BTNL8: variants seen among roughly 807,000 people sequenced by gnomAD.
BTNL8 encodes the protein butyrophilin like 8.
In BTNL8, 22 loss-of-function variants were observed where a neutral mutation model predicts 36.1. The observed-to-expected ratio is 0.61, with a 90% CI of 0.44 to 0.87. The LOEUF (loss-of-function observed/expected upper bound fraction) is 0.87, where lower values mean the gene tolerates loss of function less well. Ranked by LOEUF, BTNL8 falls within the 40% of genes least tolerant of loss-of-function variation. The pLI is 0.00. For missense variants in BTNL8, 526 were observed against 616.9 expected (o/e 0.85, Z 1.56); for synonymous variants, 203 against 235.6 (o/e 0.86, Z 1.27).
At position 180,903,231 on chromosome 5, in the gene BTNL8, T is replaced by C. The variant is rs1323933241; in HGVS notation, c.49+3872T>C. 6.6e-5 allele frequency among the ~76,000 whole-genome samples: 8 copies of C among 120,614 alleles called. 2 individuals carry two copies. The highest frequency in any genetic ancestry group is 3.7e-3 in the Middle Eastern group (1 of 268). 79.1% of individuals were successfully genotyped at this position (120,614 alleles called of 152,430 possible). ...GATTGCCATTCTAACTGGTGTGAGA[T>C]GGTATCTCATTGTGGTTTTGATTTG... is the stretch of plus-strand genomic sequence containing the variant. On this transcript the variant is annotated intron_variant, in intron 1 of 7. Coordinates refer to ENST00000340184, the MANE Select transcript of BTNL8 (RefSeq NM_001040462.3).
intron 2 of BTNL8, 108 bp from the exon 3 acceptor site, chr5:180,911,231 G>T: frequency 6.6e-7 from 1 of 1,505,682 alleles, no homozygotes; most frequent in Non-Finnish European, 9.0e-7. Context: ...GTGTTTGTGT[G>T]TGTAAGAGAG....
intron 3 of BTNL8, among the ~76,000 whole-genome samples, chr5:180,941,032 A>C (rs1041869573): frequency 1.3e-5 from 2 of 150,510 alleles, no homozygotes; most frequent in Non-Finnish European, 3.0e-5. Flanking sequence ...CAGAGGCTGC[A>C]GTGAGCCGAG....
At chr5:180,919,004 C>T (rs536563188) in intron 3 of BTNL8, among the ~76,000 whole-genome samples, 98 of 152,274 alleles carry the variant, frequency 6.4e-4, no homozygotes, top group Non-Finnish European at 1.8e-4. Context: ...TCAGTCTCTT[C>T]GGGATCAGAC....
intron 3 of BTNL8, among the ~76,000 whole-genome samples, chr5:180,936,113 G>C (rs934950722): frequency 6.6e-6 from 1 of 151,976 alleles, no homozygotes; most frequent in Non-Finnish European, 1.5e-5. Context: ...TTTTCACCAT[G>C]TTGGCCAGGA....
chr5:180,936,498 AG>A (rs1245013529), intron 3 of BTNL8, among the ~76,000 whole-genome samples: 1 of 152,212 alleles, frequency 6.6e-6, no homozygotes, highest in Non-Finnish European at 1.5e-5. Context: ...GCAACAAAAA[AG>A]TACTTAGATA....
At chr5:180,948,458 C>A (rs1759383122) in intron 5 of BTNL8, 83 bp downstream of exon 5, 1 of 1,604,910 alleles carries the variant, frequency 6.2e-7, no homozygotes, top group Non-Finnish European at 8.5e-7. Flanking sequence ...CTCTGGACGA[C>A]CCTGGCTGCA....
rs778088974 is a variant in BTNL8 at position 180,950,232 on chromosome 5, C to T, written c.1191C>T (p.Ser397=). Residue 397 remains serine (S), a synonymous_variant, in exon 8 of 8, where the codon AGC becomes AGT. Transcript: ENST00000340184. ...LYFTLNPRFI[S]VFPRTPPTKI... ...TCACATTAAATCCCCGTTTTATCAG[C>T]GTCTTCCCCAGGACCCCACCTACAA... is the stretch of plus-strand genomic sequence containing the variant. The T allele has an allele frequency of 1.8e-5, 27 of 1,463,322 alleles. 4 individuals carry two copies. The highest frequency in any genetic ancestry group is 9.7e-5 in the African/African-American group (7 of 72,436). The allele number at this position is 1,463,322 out of a possible 1,614,324, so 90.6% of individuals were successfully genotyped here.
At chr5:180,932,496 GCCA>G (rs1284898524) in intron 3 of BTNL8, among the ~76,000 whole-genome samples, 2 of 152,064 alleles carry the variant, frequency 1.3e-5, no homozygotes, top group African/African-American at 2.4e-5. Flanking sequence ...ACAGGTGCCC[GCCA>G]CCATGCCTGG....
chr5:180,939,584 G>T (rs1013513973), intron 3 of BTNL8, among the ~76,000 whole-genome samples: 1 of 152,034 alleles, frequency 6.6e-6, no homozygotes, highest in African/African-American at 2.4e-5. Context: ...TAAAGGGAAA[G>T]GTAGATCCCA....
chr5:180,936,637 T>G (rs1582052761), intron 3 of BTNL8, among the ~76,000 whole-genome samples: 1 of 152,170 alleles, frequency 6.6e-6, no homozygotes, highest in African/African-American at 2.4e-5. Context: ...GAATTAATAT[T>G]GTTTTGATGT....
intron 3 of BTNL8, among the ~76,000 whole-genome samples, chr5:180,920,259 T>C (rs1226174271): frequency 1.3e-5 from 2 of 152,074 alleles, no homozygotes; most frequent in South Asian, 2.1e-4. Context: ...TATAGATTAA[T>C]GGAACAGAAT....
chr5:180,908,383 C>T (rs563881490), intron 1 of BTNL8, among the ~76,000 whole-genome samples: 26 of 152,194 alleles, frequency 1.7e-4, no homozygotes, highest in South Asian at 4.1e-4. Flanking sequence ...GCACGGTGCG[C>T]GCACCCACTG....
chr5:180,907,771 C>CCCGG (rs1757157560), intron 1 of BTNL8, among the ~76,000 whole-genome samples: 1 of 151,836 alleles, frequency 6.6e-6, no homozygotes, highest in Non-Finnish European at 1.5e-5. Context: ...TGTTGGAGTA[C>CCCGG]CCTGCCGTGT....
chr5:180,937,910 T>C lies in BTNL8; in HGVS notation c.674-9602T>C, dbSNP rs553060356. Among the ~76,000 whole-genome samples, 3 of 144,478 alleles carry C rather than the reference T, an allele frequency of 2.1e-5. No individual in the cohort carries two copies. In the Admixed American group the frequency reaches 2.1e-4, roughly 10 times the overall value. 94.8% of individuals were successfully genotyped at this position (144,478 alleles called of 152,430 possible). A position where few individuals can be genotyped will look rare whatever the true frequency, so the allele number is the denominator to read the frequency against. On this transcript the variant is annotated intron_variant, in intron 3 of 7. Coordinates refer to ENST00000340184, the MANE Select transcript of BTNL8 (RefSeq NM_001040462.3). ...TCAGGAAAACAATTTTTCATCTAAA[T>C]GAAATACTTTTTAAAAGCCCCTTTC...
At chr5:180,924,349 C>T (rs1758000813) in intron 3 of BTNL8, among the ~76,000 whole-genome samples, 1 of 152,218 alleles carries the variant, frequency 6.6e-6, no homozygotes, top group Non-Finnish European at 1.5e-5. Context: ...TGGCCCTGCC[C>T]ACCCTGAGTG....
chr5:180,943,156 G>T (rs956117667), intron 3 of BTNL8, among the ~76,000 whole-genome samples: 1 of 135,136 alleles, frequency 7.4e-6, no homozygotes, highest in African/African-American at 2.9e-5. Flanking sequence ...TTTTTTTGAG[G>T]CAGAGTCTCG....
chr5:180,899,563 G>A (rs137880782), intron 1 of BTNL8, among the ~76,000 whole-genome samples: 83 of 152,304 alleles, frequency 5.4e-4, no homozygotes, highest in African/African-American at 1.8e-3. Flanking sequence ...AAGACGCACC[G>A]TGATCGTTGA....
chr5:180,932,168 G>A (rs1758418098), intron 3 of BTNL8, among the ~76,000 whole-genome samples: 1 of 152,072 alleles, frequency 6.6e-6, no homozygotes, highest in Non-Finnish European at 1.5e-5. Context: ...GAAAACACAT[G>A]GACACAGGGA....
chr5:180,937,436 T>A (rs187803132), intron 3 of BTNL8, among the ~76,000 whole-genome samples: 1 of 152,274 alleles, frequency 6.6e-6, no homozygotes, highest in Admixed American at 6.5e-5. Context: ...ATTATTAATA[T>A]AATACAGCAC....
Sources: gnomAD v4.1 joint callset for allele counts (sites outside exome capture counted in the v4.1 genomes callset) on GRCh38, gnomAD v4.1.1 for gene constraint, MANE v1.5 for transcripts, NCBI Gene and HGNC (gene_info 2026-07-23, HGNC 2026-07-21) for gene names.